Variants in SOHLH2 observed in about 807,000 individuals in gnomAD.
SOHLH2 encodes the protein spermatogenesis and oogenesis specific basic helix-loop-helix 2.
SOHLH2 carries 22 observed loss-of-function variants against 50.4 expected under a neutral mutation model. That is an observed-to-expected ratio of 0.44 (90% confidence interval 0.31 to 0.62). The LOEUF (loss-of-function observed/expected upper bound fraction) is 0.62, where lower values mean the gene tolerates loss of function less well. Ranked by LOEUF, SOHLH2 falls within the 20% of genes least tolerant of loss-of-function variation. The probability of loss-of-function intolerance (pLI) is 0.08; values close to 1 mark genes in which losing one functional copy is unlikely to be tolerated. For missense variants in SOHLH2, 412 were observed against 504.4 expected, an observed-to-expected ratio of 0.82 and a Z score of 1.76; for synonymous variants, 185 against 187.3, an observed-to-expected ratio of 0.99 and a Z score of 0.10.
At chr13:36,184,522 C>T (rs1172999801) in intron 6 of SOHLH2, among the ~76,000 whole-genome samples, 1 of 140,618 alleles carries the variant, frequency 7.1e-6, no homozygotes, top group Non-Finnish European at 1.5e-5. Context: ...TACAGTGGCG[C>T]TATCTCGGCT....
chr13:36,203,529 G>T lies in SOHLH2; in HGVS notation c.49-1436C>A, dbSNP rs560599722. Among the ~76,000 whole-genome samples, 8 of 152,202 alleles carry T rather than the reference G, an allele frequency of 5.3e-5. 1 individual carries two copies. Among genetic ancestry groups the T allele is most frequent in the African/African-American group, 1.9e-4 (8 of 41,514 alleles). Reference sequence around the variant, plus strand: ...GATGAATACATTTATAAATACATCTGTGTGCAAATAAGCATATATCCTCGA... The same window carrying T: ...GATGAATACATTTATAAATACATCTTTGTGCAAATAAGCATATATCCTCGA... On this transcript the variant is annotated intron_variant, in intron 1 of 10. Transcript: ENST00000379881.
Position 36,173,731 on chromosome 13 carries a change from T to C in SOHLH2, c.961A>G (p.Thr321Ala). 1 of 1,613,618 alleles carries C rather than the reference T, an allele frequency of 6.2e-7. No individual in the cohort carries two copies. ...TCCAAGGAGCTCTCTGCATCAGGAG[T>C]GGAGCACCCATTCCAGCACGTATTA... ...LTNTCWNGCS[T>A]PDAESSLDEA... The change falls in exon 9 of 11, where the codon ACT becomes GCT. Residue 321 changes from threonine to alanine, a missense_variant. Thr to Ala is a moderately conservative substitution (Grantham distance 58). Coordinates refer to ENST00000379881, the MANE Select transcript of SOHLH2 (RefSeq NM_017826.3).
intron 1 of SOHLH2, among the ~76,000 whole-genome samples, chr13:36,203,510 T>A (rs1017961222): frequency 3.9e-5 from 6 of 152,204 alleles, no homozygotes; most frequent in Admixed American, 1.3e-4. Flanking sequence ...CCATGATGAA[T>A]ACATTTATAA....
At chr13:36,173,304 A>G (rs1887010947) in intron 9 of SOHLH2, among the ~76,000 whole-genome samples, 1 of 95,930 alleles carries the variant, frequency 1.0e-5, no homozygotes, top group South Asian at 3.0e-4. Flanking sequence ...GTGGCTGAGA[A>G]GATCTCTTTG....
chr13:36,175,873 G>A (rs183949228), intron 6 of SOHLH2, among the ~76,000 whole-genome samples: 29 of 152,274 alleles, frequency 1.9e-4, no homozygotes, highest in Admixed American at 9.8e-4. Context: ...ATTTGACAAC[G>A]TGTGTGAAGG....
intron 8 of SOHLH2, 56 bp downstream of exon 8, chr13:36,174,420 C>G: frequency 6.2e-7 from 1 of 1,605,088 alleles, no homozygotes; most frequent in Non-Finnish European, 8.5e-7. Context: ...TATTTAGCAT[C>G]AACATGGGAG....
intron 2 of SOHLH2, among the ~76,000 whole-genome samples, chr13:36,198,216 C>T (rs139482487): frequency 2.7e-4 from 41 of 152,242 alleles, no homozygotes; most frequent in Middle Eastern, 3.4e-3. Flanking sequence ...CTGCTCTGAG[C>T]TCATGAGAAT....
At position 36,173,757 on chromosome 13, in the gene SOHLH2, GT is replaced by G; in HGVS notation, c.934del (p.Thr312LeufsTer21). On this transcript the variant is annotated frameshift_variant, in exon 9 of 11. Transcript: ENST00000379881. LOFTEE classifies it high-confidence loss of function. ...GGAGCACCCATTCCAGCACGTATTA[GT>G]CAGGAATTGGAGCCCTCTCTCAGGG... The part of the protein sequence containing the change: ...YSPERGLQFL[T>X]NTCWNGCSTP... 6.2e-7 allele frequency: 1 copy of G among 1,614,028 alleles called. No homozygotes were observed. Among genetic ancestry groups the G allele is most frequent in the Non-Finnish European group, 8.5e-7 (1 of 1,180,022 alleles).
intron 10 of SOHLH2, 95 bp downstream of exon 10, chr13:36,170,436 T>C (rs1886930472): frequency 2.0e-6 from 3 of 1,483,760 alleles, no homozygotes; most frequent in African/African-American, 1.4e-5. Flanking sequence ...GGTCCCAGCC[T>C]TCCAACCAGA....
At chr13:36,196,285 T>C (rs6563380) in intron 2 of SOHLH2, among the ~76,000 whole-genome samples, 89,448 of 151,714 alleles carry the variant, frequency 0.59, 26,540 homozygotes, top group East Asian at 0.7. Flanking sequence ...CCATTACACT[T>C]GGCTATTTTT....
chr13:36,202,580 T>C (rs1868488827), intron 1 of SOHLH2, among the ~76,000 whole-genome samples: 2 of 152,240 alleles, frequency 1.3e-5, no homozygotes, highest in Non-Finnish European at 2.9e-5. Context: ...ATGGAATATA[T>C]GTGCTATTCA....
intron 8 of SOHLH2, 142 bp downstream of exon 8, chr13:36,174,334 C>T: frequency 1.0e-6 from 1 of 975,000 alleles, no homozygotes; most frequent in Admixed American, 2.8e-5. Flanking sequence ...AAATGATACA[C>T]ATCGGCAATT....
At chr13:36,189,493 A>G (rs1043742672) in intron 6 of SOHLH2, among the ~76,000 whole-genome samples, 1 of 152,086 alleles carries the variant, frequency 6.6e-6, no homozygotes, top group Non-Finnish European at 1.5e-5. Context: ...CATATAAAAT[A>G]CCCTTCCCTG....
intron 1 of SOHLH2, among the ~76,000 whole-genome samples, chr13:36,208,804 T>C (rs557064644): frequency 6.6e-6 from 1 of 152,194 alleles, no homozygotes; most frequent in Non-Finnish European, 1.5e-5. Flanking sequence ...ACATCTTCAC[T>C]GTGCTCTCAC....
chr13:36,205,352 G>C (rs116285162), intron 1 of SOHLH2, among the ~76,000 whole-genome samples: 1,648 of 152,034 alleles, frequency 0.011, 35 homozygotes, highest in African/African-American at 0.038. Context: ...GACTTTAGTG[G>C]GAATATTTCA....
chr13:36,177,008 C>T lies in SOHLH2; in HGVS notation c.642-2139G>A, dbSNP rs551757626. The stretch of plus-strand genomic sequence containing the variant: ...TTTGAAATATATATGTAACGAAAAT[C>T]CTAATCACACATGAAAATCCATTAT... On this transcript the variant is annotated intron_variant, in intron 6 of 10. Transcript: ENST00000379881. Among the ~76,000 whole-genome samples, 44 of 152,020 alleles carry T rather than the reference C, an allele frequency of 2.9e-4. No individual in the cohort carries two copies. In the Middle Eastern group the frequency reaches 0.01, roughly 35 times the overall value.
intron 1 of SOHLH2, among the ~76,000 whole-genome samples, chr13:36,205,504 CATG>C (rs1470154815): frequency 6.6e-6 from 1 of 151,948 alleles, no homozygotes; most frequent in Non-Finnish European, 1.5e-5. Context: ...TTCAGTATAA[CATG>C]ATTTTTTTTT....
intron 1 of SOHLH2, among the ~76,000 whole-genome samples, chr13:36,212,054 C>G (rs964284868): frequency 6.6e-6 from 1 of 152,254 alleles, no homozygotes; most frequent in African/African-American, 2.4e-5. Flanking sequence ...CCCAGAATCT[C>G]TCGGCCTTTT....
chr13:36,210,998 T>C (rs57710580), intron 1 of SOHLH2, among the ~76,000 whole-genome samples: 18,146 of 152,190 alleles, frequency 0.12, 2,149 homozygotes, highest in East Asian at 0.36. Flanking sequence ...CACCATAGCA[T>C]GTGATTTCTT....
Sources: gnomAD v4.1 joint callset for allele counts (sites outside exome capture counted in the v4.1 genomes callset) on GRCh38, gnomAD v4.1.1 for gene constraint, MANE v1.5 for transcripts, NCBI Gene and HGNC (gene_info 2026-07-23, HGNC 2026-07-21) for gene names.